The following MAP2K6 variants were observed in gnomAD, a reference collection of about 807,000 sequenced individuals.
MAP2K6 encodes the protein mitogen-activated protein kinase kinase 6, also known as dual specificity mitogen-activated protein kinase kinase 6.
MAP2K6 carries 16 observed loss-of-function variants against 53.7 expected under a neutral mutation model. The ratio of observed to expected loss-of-function variants is 0.30; its 90% CI spans 0.20 to 0.45. The LOEUF (loss-of-function observed/expected upper bound fraction) is 0.45. Among genes scored for constraint, MAP2K6 ranks in the 20% least tolerant of loss-of-function variants. The pLI, the probability that MAP2K6 is intolerant of heterozygous loss-of-function variation, is 1.00. For synonymous variants in MAP2K6, 132 were observed against 143.1 expected (o/e 0.92, Z 0.55); for missense variants, 204 against 411.9 (o/e 0.50, Z 4.37).
chr17:69,428,198 G>A (rs1906335029), intron 1 of MAP2K6, among the ~76,000 whole-genome samples: 1 of 152,176 alleles, frequency 6.6e-6, no homozygotes, highest in Admixed American at 6.5e-5. Context: ...CAAATTGGGT[G>A]GCTTAAACCA....
At chr17:69,513,150 A>G (rs535089122) in intron 2 of MAP2K6, among the ~76,000 whole-genome samples, 2 of 152,316 alleles carry the variant, frequency 1.3e-5, no homozygotes, top group East Asian at 1.9e-4. Flanking sequence ...AGTGTCAACT[A>G]ATCCAATCTG....
chr17:69,510,307 G>C (rs1429966199), intron 2 of MAP2K6, among the ~76,000 whole-genome samples: 2 of 152,136 alleles, frequency 1.3e-5, no homozygotes, highest in Non-Finnish European at 2.9e-5. Flanking sequence ...ATGAATCCCA[G>C]TTAGTTATGG....
At chr17:69,426,646 T>G (rs937323516) in intron 1 of MAP2K6, among the ~76,000 whole-genome samples, 2 of 152,064 alleles carry the variant, frequency 1.3e-5, no homozygotes. Context: ...AAGAGAGAGA[T>G]CAGGAAAGTG....
intron 1 of MAP2K6, among the ~76,000 whole-genome samples, chr17:69,457,136 T>C (rs12951362): frequency 0.24 from 36,209 of 152,154 alleles, 4,483 homozygotes; most frequent in Middle Eastern, 0.29. Context: ...CCAGAGAGAC[T>C]TCAGCATCTC....
At chr17:69,454,015 C>A (rs1340349463) in intron 1 of MAP2K6, among the ~76,000 whole-genome samples, 1 of 152,220 alleles carries the variant, frequency 6.6e-6, no homozygotes, top group Admixed American at 6.5e-5. Flanking sequence ...ATGTAGGTAA[C>A]CTTTATGGCC....
intron 2 of MAP2K6, among the ~76,000 whole-genome samples, chr17:69,507,911 G>A (rs1476366978): frequency 6.6e-6 from 1 of 152,074 alleles, no homozygotes; most frequent in Non-Finnish European, 1.5e-5. Flanking sequence ...CTATTGGCCA[G>A]AGTAATTGTA....
intron 1 of MAP2K6, among the ~76,000 whole-genome samples, chr17:69,496,799 T>C (rs758496280): frequency 2.6e-5 from 4 of 152,084 alleles, no homozygotes; most frequent in Non-Finnish European, 5.9e-5. Flanking sequence ...AATTCTGCCA[T>C]GCGTCCCGTC....
intron 1 of MAP2K6, among the ~76,000 whole-genome samples, chr17:69,488,606 G>T (rs1015242134): frequency 6.6e-6 from 1 of 152,152 alleles, no homozygotes; most frequent in East Asian, 1.9e-4. Flanking sequence ...AAGAACAAAA[G>T]CATGTTCTTT....
chr17:69,498,653 CACACACA>C (rs1909037249), intron 1 of MAP2K6, among the ~76,000 whole-genome samples: 1 of 49,284 alleles, frequency 2.0e-5, no homozygotes, highest in South Asian at 7.9e-4. Flanking sequence ...CTGGAAGCCA[CACACACA>C]CACACACACA....
chr17:69,429,869 G>A (rs578083363), intron 1 of MAP2K6, among the ~76,000 whole-genome samples: 1 of 152,284 alleles, frequency 6.6e-6, no homozygotes, highest in African/African-American at 2.4e-5. Flanking sequence ...CCCAGAGAAA[G>A]TCACAGGAAG....
chr17:69,550,945 G>C lies in MAP2K6; in HGVS notation c.*9192G>C, dbSNP rs17823238. On this transcript the variant is annotated 3_prime_UTR_variant, in exon 12 of 12. Transcript: ENST00000590474. ...GTACTGAGTATGCTCACAGAGATAG[G>C]GAGATAGGTGGCCAGAAGACAGGGT... is the stretch of plus-strand genomic sequence containing the variant. The C allele has an allele frequency of 0.15, 22,080 of 152,186 alleles. 1,719 individuals carry two copies. The highest frequency in any genetic ancestry group is 0.31 in the East Asian group (1,613 of 5,166). 9.4% of individuals were successfully genotyped at this position (152,186 alleles called of 1,614,324 possible). A position where few individuals can be genotyped will look rare whatever the true frequency, so the allele number is the denominator to read the frequency against.
intron 1 of MAP2K6, chr17:69,433,980 C>T (rs1290866225): frequency 1.3e-5 from 2 of 152,042 alleles, no homozygotes; most frequent in African/African-American, 4.8e-5. Context: ...GAAGTGCTGC[C>T]GAGAGAGGGT....
intron 1 of MAP2K6, among the ~76,000 whole-genome samples, chr17:69,456,722 CTCCT>C (rs972593366): frequency 6.6e-6 from 1 of 152,196 alleles, no homozygotes; most frequent in African/African-American, 2.4e-5. Context: ...CCTAGCCTTC[CTCCT>C]TCATCCTAGT....
intron 3 of MAP2K6, among the ~76,000 whole-genome samples, chr17:69,517,252 G>C (rs1910197043): frequency 6.6e-6 from 1 of 151,874 alleles, no homozygotes; most frequent in Non-Finnish European, 1.5e-5. Context: ...TGAGACATTG[G>C]CAAGCTGAGT....
chr17:69,462,639 C>T (rs569932426), intron 1 of MAP2K6, among the ~76,000 whole-genome samples: 6 of 152,238 alleles, frequency 3.9e-5, no homozygotes, highest in Admixed American at 3.9e-4. Context: ...AAGTCTCGGC[C>T]TCATTTCTGG....
At chr17:69,454,354 T>C (rs565617599) in intron 1 of MAP2K6, among the ~76,000 whole-genome samples, 2 of 152,270 alleles carry the variant, frequency 1.3e-5, no homozygotes, top group South Asian at 4.1e-4. Context: ...CCTTCTAACA[T>C]TATCATGGGT....
intron 1 of MAP2K6, among the ~76,000 whole-genome samples, chr17:69,465,502 G>T (rs1907765057): frequency 6.6e-6 from 1 of 152,102 alleles, no homozygotes; most frequent in South Asian, 2.1e-4. Context: ...TTGGCAGCAG[G>T]CTGAAAGACA....
At chr17:69,512,328 G>T (rs1229566864) in intron 2 of MAP2K6, among the ~76,000 whole-genome samples, 9 of 75,192 alleles carry the variant, frequency 1.2e-4, no homozygotes, top group East Asian at 3.3e-4. Context: ...CTTTCTAAGT[G>T]TTTTTTTTTT....
rs146006488 is a variant in MAP2K6 at position 69,542,904 on chromosome 17, T to C, written c.*1151T>C. 1 of 152,178 alleles carries C rather than the reference T, an allele frequency of 6.6e-6. No homozygotes were observed. Among genetic ancestry groups the C allele is most frequent in the Non-Finnish European group, 1.5e-5 (1 of 68,042 alleles). 9.4% of individuals were successfully genotyped at this position (152,178 alleles called of 1,614,324 possible). On this transcript the variant is annotated 3_prime_UTR_variant, in exon 12 of 12. Coordinates refer to ENST00000590474, the MANE Select transcript of MAP2K6 (RefSeq NM_002758.4). ...TGAAAGGTAGTGAGTAATTCTTTGA[T>C]AAGATGAGGAAATAATGGGAAAGGT...
Sources: allele counts gnomAD v4.1 joint callset (sites outside exome capture counted in the v4.1 genomes callset), GRCh38; gene constraint gnomAD v4.1.1; transcripts MANE v1.5; gene names NCBI Gene and HGNC (gene_info 2026-07-23, HGNC 2026-07-21).